TMEM131L: variants seen among roughly 807,000 people sequenced by gnomAD.
TMEM131L encodes transmembrane 131 like, also known as transmembrane protein 131-like.
Under a neutral mutation model 192.2 loss-of-function variants are expected in TMEM131L, and 54 were observed. The ratio of observed to expected loss-of-function variants is 0.28; its 90% CI spans 0.23 to 0.35. TMEM131L has a LOEUF of 0.35. TMEM131L is among the 10% of genes least tolerant of loss of function. The probability of loss-of-function intolerance (pLI) is 1.00; values close to 1 mark genes in which losing one functional copy is unlikely to be tolerated. For missense variants in TMEM131L, 1,888 were observed against 1,972.9 expected (o/e 0.96, Z 0.82); for synonymous variants, 701 against 704.9 (o/e 0.99, Z 0.09).
In TMEM131L at chr4:153,619,286, G is replaced by A. The variant is rs542630094; in HGVS notation, c.3568-1470G>A. Among the ~76,000 whole-genome samples the A allele has an allele frequency of 6.6e-5, 10 of 152,260 alleles. 1 individual carries two copies. The highest frequency in any genetic ancestry group is 1.9e-4 in the African/African-American group (8 of 41,552). ...ACAAGCCTTTGCTGGCCCTTGAGTG[G>A]ACGGGGGTGGGAAACCTCCCCACCA... On this transcript the variant is annotated intron_variant, in intron 26 of 34. Coordinates refer to ENST00000409959, the MANE Select transcript of TMEM131L (RefSeq NM_001131007.2).
chr4:153,556,995 C>T lies in TMEM131L; in HGVS notation c.462C>T (p.Phe154=), dbSNP rs1728509463. 2 of 1,600,632 alleles carry T rather than the reference C, an allele frequency of 1.2e-6. No individual in the cohort carries two copies. Among genetic ancestry groups the T allele is most frequent in the African/African-American group, 1.3e-5 (1 of 74,600 alleles). ...RVIPAMGKTS[F]RIIFLPTEEG... ...TTCCAGCAATGGGGAAAACTTCCTT[C>T]AGAATTATTTTCTTACCTACTGAAG... is the stretch of plus-strand genomic sequence containing the variant. Residue 154 remains phenylalanine, a synonymous_variant, in exon 6 of 35, where the codon TTC becomes TTT. Coordinates refer to ENST00000409959, the MANE Select transcript of TMEM131L (RefSeq NM_001131007.2).
chr4:153,563,577 C>T (rs1254251895), intron 7 of TMEM131L, among the ~76,000 whole-genome samples: 1 of 149,676 alleles, frequency 6.7e-6, no homozygotes, highest in Admixed American at 6.7e-5. Context: ...GACCCGTCCT[C>T]CTGCCTCAGC....
At chr4:153,518,255 A>G (rs555916095) in intron 3 of TMEM131L, among the ~76,000 whole-genome samples, 1 of 152,226 alleles carries the variant, frequency 6.6e-6, no homozygotes, top group Non-Finnish European at 1.5e-5. Context: ...ACACTTGCAC[A>G]TTAAAAACTC....
chr4:153,568,383 GAC>G (rs1346007705), intron 7 of TMEM131L, among the ~76,000 whole-genome samples: 1 of 152,280 alleles, frequency 6.6e-6, no homozygotes, highest in South Asian at 2.1e-4. Context: ...CTACTGTGAG[GAC>G]ACAGTTTCCT....
At chr4:153,610,377 A>G (rs140061541) in intron 25 of TMEM131L, among the ~76,000 whole-genome samples, 133 of 152,342 alleles carry the variant, frequency 8.7e-4, no homozygotes, top group African/African-American at 3.0e-3. Context: ...AGCATTAAAA[A>G]CATGCCATGA....
intron 3 of TMEM131L, among the ~76,000 whole-genome samples, chr4:153,493,638 C>T (rs1366493704): frequency 6.6e-6 from 1 of 151,966 alleles, no homozygotes; most frequent in African/African-American, 2.4e-5. Flanking sequence ...CCAGTCTGGG[C>T]GATAGCACTA....
rs751804960 is a variant in TMEM131L at position 153,555,893 on chromosome 4, C to T, written c.415C>T (p.Pro139Ser). The part of the protein sequence containing the change: ...VFAAAGHFHV[P>S]PVPCRVIPAM... ...TGCAGCTGCTGGACATTTCCATGTA[C>T]CGCCAGTTCCCTGCAGGGTGGGTGT... The change falls in exon 5 of 35, where the codon CCG becomes TCG. Residue 139 changes from proline to serine, a missense_variant. Physicochemically the swap from Pro to Ser is moderately conservative, Grantham distance 74 (BLOSUM62 -1). Coordinates refer to ENST00000409959, the MANE Select transcript of TMEM131L (RefSeq NM_001131007.2). The surrounding 1 kb of genome is among the most constrained non-coding windows in gnomAD (Gnocchi z 4.1). 2.0e-5 allele frequency: 31 copies of T among 1,551,408 alleles called. No homozygotes were observed. In the South Asian group the frequency reaches 2.0e-4, roughly 10 times the overall value.
At position 153,634,152 on chromosome 4, in the gene TMEM131L, ACAT is replaced by A. The variant is rs1202402480; in HGVS notation, c.4329-38_4329-36del. The stretch of plus-strand genomic sequence containing the variant: ...TCCATTTTCTTTACTTGATGTCTTG[ACAT>A]CCTGTTTCTGATTAGACCACTTGTT... On this transcript the variant is annotated intron_variant, in intron 32 of 34. Coordinates refer to ENST00000409959, the MANE Select transcript of TMEM131L (RefSeq NM_001131007.2). The A allele has an allele frequency of 5.9e-6, 9 of 1,514,628 alleles. No individual in the cohort carries two copies. The Admixed American group carries it at 8.4e-5, about 14-fold the overall frequency. 93.8% of individuals were successfully genotyped at this position (1,514,628 alleles called of 1,614,324 possible).
chr4:153,562,093 A>G (rs557811733), intron 7 of TMEM131L, among the ~76,000 whole-genome samples: 61 of 150,654 alleles, frequency 4.0e-4, no homozygotes, highest in African/African-American at 1.4e-3. Flanking sequence ...GCTAGAGTGC[A>G]GTGGTGCGAT....
rs1730651286 is a variant in TMEM131L at position 153,585,629 on chromosome 4, T to C, written c.1311+18T>C. On this transcript the variant is annotated intron_variant, in intron 13 of 34. Transcript: ENST00000409959. ...TGTTAAAGGTACATATAGTATTTTT[T>C]CCCCAAGTTTTAGCTTATTTTAAGC... The C allele has an allele frequency of 5.8e-6, 9 of 1,559,240 alleles. No homozygotes were observed. The highest frequency in any genetic ancestry group is 1.9e-4 in the Middle Eastern group (1 of 5,350).
chr4:153,476,723 A>G (rs571507016), intron 3 of TMEM131L, among the ~76,000 whole-genome samples: 2 of 152,200 alleles, frequency 1.3e-5, no homozygotes, highest in South Asian at 4.2e-4. Flanking sequence ...AAACAAAACC[A>G]AAAATTCCTT....
intron 7 of TMEM131L, among the ~76,000 whole-genome samples, chr4:153,563,447 A>T (rs1408074852): frequency 1.4e-5 from 2 of 139,130 alleles, no homozygotes; most frequent in South Asian, 2.5e-4. Flanking sequence ...GAGAAAACGG[A>T]TATGTACCCT....
intron 20 of TMEM131L, among the ~76,000 whole-genome samples, chr4:153,597,826 G>C (rs1731549493): frequency 6.6e-6 from 1 of 152,126 alleles, no homozygotes; most frequent in Non-Finnish European, 1.5e-5. Flanking sequence ...CCAGCTACTT[G>C]GGAGGCTGAG....
At chr4:153,520,868 C>G (rs984733693) in intron 3 of TMEM131L, among the ~76,000 whole-genome samples, 3 of 152,162 alleles carry the variant, frequency 2.0e-5, no homozygotes, top group African/African-American at 4.8e-5. Context: ...GACTGGGGAC[C>G]CTTTCCCAGG....
chr4:153,546,226 T>TA (rs2150372000), intron 3 of TMEM131L, among the ~76,000 whole-genome samples: 1 of 151,928 alleles, frequency 6.6e-6, no homozygotes, highest in South Asian at 2.1e-4. Flanking sequence ...TTTTTTTTTT[T>TA]TTTACAATTA....
intron 3 of TMEM131L, among the ~76,000 whole-genome samples, chr4:153,540,139 A>C (rs1015244024): frequency 6.6e-6 from 1 of 151,402 alleles, no homozygotes; most frequent in Non-Finnish European, 1.5e-5. Context: ...AACAAAAAAA[A>C]AAACCCCAAA....
rs150458946 is a variant in TMEM131L at position 153,527,393 on chromosome 4, C to T, written c.240-22680C>T. Among the ~76,000 whole-genome samples the T allele has an allele frequency of 7.8e-4, 119 of 152,224 alleles. 1 individual carries two copies. In the East Asian group the frequency reaches 0.015, roughly 19 times the overall value. ...GTTCAAGCAATTCTCCCACCTCATC[C>T]TCCCGAGTAGCTGAGATTTCAGGTG... On this transcript the variant is annotated intron_variant, in intron 3 of 34. Transcript: ENST00000409959.
At chr4:153,557,892 G>A (rs1284030425) in intron 6 of TMEM131L, among the ~76,000 whole-genome samples, 1 of 152,102 alleles carries the variant, frequency 6.6e-6, no homozygotes, top group Non-Finnish European at 1.5e-5. Context: ...CACCTCCCAG[G>A]CACAAGCGAT....
chr4:153,473,984 T>A, intron 3 of TMEM131L, 96 bp downstream of exon 3: 1 of 754,116 alleles, frequency 1.3e-6, no homozygotes, highest in South Asian at 1.9e-5. Context: ...GTTTATGTAT[T>A]TAGTAGTATC....
Sources: allele counts gnomAD v4.1 joint callset (sites outside exome capture counted in the v4.1 genomes callset), GRCh38; gene constraint gnomAD v4.1.1; non-coding constraint Gnocchi (gnomAD v3.1); transcripts MANE v1.5; gene names NCBI Gene and HGNC (gene_info 2026-07-23, HGNC 2026-07-21).